Variants in TRIM9 observed in about 807,000 individuals in gnomAD.
The protein encoded by TRIM9 is E3 ubiquitin-protein ligase TRIM9.
A neutral mutation model predicts 78.3 loss-of-function variants in TRIM9; 26 were observed. That is an observed-to-expected ratio of 0.33 (90% CI 0.24 to 0.46). The LOEUF (loss-of-function observed/expected upper bound fraction) is 0.46, where lower values mean the gene tolerates loss of function less well. Among genes scored for constraint, TRIM9 ranks in the 20% least tolerant of loss-of-function variants. TRIM9 has a pLI of 1.00. For missense variants in TRIM9, 787 were observed against 1,036.4 expected (o/e 0.76, Z 3.30); for synonymous variants, 398 against 416.5 (o/e 0.96, Z 0.54).
intron 8 of TRIM9, 85 bp downstream of exon 8, chr14:50,985,871 A>G (rs2139350807): frequency 1.6e-6 from 2 of 1,246,578 alleles, no homozygotes; most frequent in South Asian, 2.3e-5. Flanking sequence ...CACCACGCAC[A>G]TGAATGGCAA....
intron 3 of TRIM9, among the ~76,000 whole-genome samples, chr14:51,020,199 TA>T (rs1209034327): frequency 1.3e-5 from 2 of 152,094 alleles, no homozygotes; most frequent in East Asian, 3.9e-4. Context: ...GTGATGTCTA[TA>T]AAAGGCCAGT....
chr14:51,088,098 C>T (rs2063936288), intron 1 of TRIM9, among the ~76,000 whole-genome samples: 1 of 152,166 alleles, frequency 6.6e-6, no homozygotes, highest in Non-Finnish European at 1.5e-5. Context: ...ATAAATTTAA[C>T]TTTTAACATT....
intron 1 of TRIM9, among the ~76,000 whole-genome samples, chr14:51,093,040 C>T (rs999191355): frequency 6.6e-6 from 1 of 151,756 alleles, no homozygotes; most frequent in African/African-American, 2.4e-5. Flanking sequence ...TGCCTGGCGT[C>T]GTTTGAGGAA....
At chr14:51,066,079 AGGAAGGAAGGAGGGAGGGAGGGAC>A in intron 1 of TRIM9, among the ~76,000 whole-genome samples, 1 of 99,426 alleles carries the variant, frequency 1.0e-5, no homozygotes, top group Non-Finnish European at 1.9e-5. Context: ...GAAGGAAGGA[AGGAAGGAAGGAGGGAGGGAGGGAC>A]GGAGGGAGGG....
chr14:51,080,572 CT>C (rs2063211402), intron 1 of TRIM9, among the ~76,000 whole-genome samples: 1 of 152,038 alleles, frequency 6.6e-6, no homozygotes, highest in African/African-American at 2.4e-5. Flanking sequence ...TACTGTGTCA[CT>C]TGGGTGATTT....
At chr14:51,042,672 T>C (rs71422012) in intron 1 of TRIM9, among the ~76,000 whole-genome samples, 1 of 152,180 alleles carries the variant, frequency 6.6e-6, no homozygotes, top group Non-Finnish European at 1.5e-5. Flanking sequence ...ATCCCTTACG[T>C]TGAACATCTT....
chr14:51,056,141 C>T (rs1464174182), intron 1 of TRIM9, among the ~76,000 whole-genome samples: 1 of 152,128 alleles, frequency 6.6e-6, no homozygotes, highest in South Asian at 2.1e-4. Flanking sequence ...AAAAATTATG[C>T]ATATGGATTA....
chr14:51,084,372 T>A (rs2063572802), intron 1 of TRIM9, among the ~76,000 whole-genome samples: 1 of 152,214 alleles, frequency 6.6e-6, no homozygotes, highest in African/African-American at 2.4e-5. Flanking sequence ...TAATACTGAA[T>A]AATGTTTTAG....
intron 1 of TRIM9, among the ~76,000 whole-genome samples, chr14:51,060,754 T>A (rs1270231478): frequency 3.3e-5 from 5 of 152,332 alleles, no homozygotes; most frequent in South Asian, 4.1e-4. Context: ...GGCGTGAGCC[T>A]CTGCACCCAG....
intron 1 of TRIM9, among the ~76,000 whole-genome samples, chr14:51,064,533 T>C (rs549449659): frequency 7.2e-4 from 109 of 151,840 alleles, no homozygotes; most frequent in Non-Finnish European, 1.4e-3. Flanking sequence ...GGAAAGGATA[T>C]AATAAAGACT....
intron 1 of TRIM9, among the ~76,000 whole-genome samples, chr14:51,036,608 A>G (rs189827143): frequency 3.1e-4 from 47 of 152,338 alleles, no homozygotes; most frequent in Non-Finnish European, 6.0e-4. Flanking sequence ...TAATTGTTAC[A>G]CTATACTATT....
chr14:51,035,774 T>A (rs2059092417), intron 1 of TRIM9, among the ~76,000 whole-genome samples: 1 of 152,222 alleles, frequency 6.6e-6, no homozygotes, highest in Non-Finnish European at 1.5e-5. Flanking sequence ...TATTCTGTAG[T>A]CCATCTCTGG....
intron 5 of TRIM9, among the ~76,000 whole-genome samples, chr14:51,001,781 CATTCTCTCAAGGTAGCTAT>C (rs1161850497): frequency 6.6e-6 from 1 of 152,140 alleles, no homozygotes; most frequent in Non-Finnish European, 1.5e-5. Context: ...AACCTGATGT[CATTCTCTCAAGGTAGCTAT>C]ACCTCGAAAA....
Position 51,025,262 on chromosome 14 carries a change from T to C in TRIM9, c.918+3A>G. 1 of 1,614,114 alleles carries C rather than the reference T, an allele frequency of 6.2e-7. No individual in the cohort carries two copies. The highest frequency in any genetic ancestry group is 8.5e-7 in the Non-Finnish European group (1 of 1,179,956). ...TTCCTTGCGTCCCAGGTAACACCCATACCTGGATCTGCTGGACCATGTTGC... is the reference window on the plus strand; with the variant it reads ...TTCCTTGCGTCCCAGGTAACACCCACACCTGGATCTGCTGGACCATGTTGC... On this transcript the variant is annotated splice_donor_region_variant and intron_variant, in intron 2 of 12. Transcript: ENST00000684578.
In TRIM9 at chr14:51,094,451, G is replaced by A. The variant is rs1205029322; in HGVS notation, c.489C>T (p.Ala163=). 1.2e-6 allele frequency: 2 copies of A among 1,613,904 alleles called. No homozygotes were observed. Among genetic ancestry groups the A allele is most frequent in the Admixed American group, 1.7e-5 (1 of 60,022 alleles). Residue 163 remains alanine, a synonymous_variant, in exon 1 of 13, where the codon GCC becomes GCT. Transcript: ENST00000684578. The part of the protein sequence containing the change: ...GVIDRYQQSK[A]AALKCQLCEK... ...CGCAGAGCTGGCACTTGAGGGCCGC[G>A]GCTTTGCTCTGCTGGTAGCGGTCAA... is the stretch of plus-strand genomic sequence containing the variant.
intron 7 of TRIM9, among the ~76,000 whole-genome samples, chr14:50,991,670 A>G (rs1387034507): frequency 6.6e-6 from 1 of 152,230 alleles, no homozygotes; most frequent in Non-Finnish European, 1.5e-5. Context: ...GGCAGGAGGT[A>G]TCTAATGCTG....
At chr14:51,074,454 G>T (rs2140257751) in intron 1 of TRIM9, among the ~76,000 whole-genome samples, 1 of 152,178 alleles carries the variant, frequency 6.6e-6, no homozygotes, top group South Asian at 2.1e-4. Flanking sequence ...TCCAGGCCAG[G>T]CTTACATCGC....
At chr14:51,033,901 C>T (rs984132827) in intron 1 of TRIM9, among the ~76,000 whole-genome samples, 5 of 152,138 alleles carry the variant, frequency 3.3e-5, no homozygotes, top group African/African-American at 1.2e-4. Context: ...TGCATATTCT[C>T]TTTATATTAT....
chr14:51,021,830 G>A (rs1416393868), intron 3 of TRIM9, among the ~76,000 whole-genome samples: 1 of 152,144 alleles, frequency 6.6e-6, no homozygotes, highest in African/African-American at 2.4e-5. Flanking sequence ...TCTCCTGGAG[G>A]ACCAGTCCTG....
Sources: allele counts gnomAD v4.1 joint callset (sites outside exome capture counted in the v4.1 genomes callset), GRCh38; gene constraint gnomAD v4.1.1; transcripts MANE v1.5; gene names NCBI Gene and HGNC (gene_info 2026-07-23, HGNC 2026-07-21).